Variants in ANK3 observed in about 807,000 individuals in gnomAD.
ANK3 encodes the protein ankyrin 3, also known as ankyrin-3.
Under a neutral mutation model 370.9 loss-of-function variants are expected in ANK3, and 57 were observed. That is an observed-to-expected ratio of 0.15 (90% confidence interval 0.12 to 0.19). The LOEUF is 0.19. Ranked by LOEUF, ANK3 falls within the 10% of genes least tolerant of loss-of-function variation. The pLI, the probability that ANK3 is intolerant of heterozygous loss-of-function variation, is 1.00. For missense variants in ANK3, 4,439 were observed against 5,302.1 expected (o/e 0.84, Z 5.06); for synonymous variants, 1,929 against 1,946.3 (o/e 0.99, Z 0.23).
intron 28 of ANK3, among the ~76,000 whole-genome samples, chr10:60,101,025 C>T (rs899860215): frequency 2.0e-5 from 3 of 152,102 alleles, no homozygotes; most frequent in Non-Finnish European, 4.4e-5. Flanking sequence ...TCAAGCAATC[C>T]CCCCACCTCA....
intron 2 of ANK3, among the ~76,000 whole-genome samples, chr10:60,572,161 C>T (rs2077616404): frequency 6.6e-6 from 1 of 152,010 alleles, no homozygotes; most frequent in African/African-American, 2.4e-5. Context: ...AAAAACACAC[C>T]CACCCACATA....
At position 60,074,599 on chromosome 10, in the gene ANK3, T is replaced by C; in HGVS notation, c.6282A>G (p.Glu2094=). 6.2e-7 allele frequency: 1 copy of C among 1,614,134 alleles called. No homozygotes were observed. The highest frequency in any genetic ancestry group is 1.1e-5 in the South Asian group (1 of 91,074). The part of the protein sequence containing the change: ...ASMRTSTSEK[E]LCKMADSFFG... The stretch of plus-strand genomic sequence containing the variant: ...AAAAGGAATCAGCCATTTTACACAA[T>C]TCTTTCTCAGAGGTGGAAGTCCTCA... Residue 2094 remains glutamate, a synonymous_variant, in exon 37 of 44, where the codon GAA becomes GAG. Coordinates refer to ENST00000280772, the MANE Select transcript of ANK3 (RefSeq NM_020987.5).
chr10:60,132,294 T>C lies in ANK3; in HGVS notation c.2841+1977A>G, dbSNP rs563552687. On this transcript the variant is annotated intron_variant, in intron 25 of 43. Transcript: ENST00000280772. ...GTCCCCATCCAAATCTCATCTTGAATTGTAGCTCCCACAATTCTCACCTGT... is the reference window on the plus strand; with the variant it reads ...GTCCCCATCCAAATCTCATCTTGAACTGTAGCTCCCACAATTCTCACCTGT... 3.3e-5 allele frequency among the ~76,000 whole-genome samples: 5 copies of C among 152,272 alleles called. No individual in the cohort carries two copies. In the South Asian group the frequency reaches 8.3e-4, roughly 25 times the overall value.
chr10:60,315,644 G>C (rs2047250094), intron 1 of ANK3, among the ~76,000 whole-genome samples: 1 of 151,984 alleles, frequency 6.6e-6, no homozygotes, highest in African/African-American at 2.4e-5. Flanking sequence ...AGAATGTTTT[G>C]GTAAAATTTA....
chr10:60,701,408 G>GAA (rs200538096), intron 1 of ANK3, among the ~76,000 whole-genome samples: 4 of 142,678 alleles, frequency 2.8e-5, no homozygotes, highest in African/African-American at 1.0e-4. Flanking sequence ...AGATACACTA[G>GAA]AAAAAAAAAC....
At chr10:60,551,988 C>T (rs138211432) in intron 2 of ANK3, among the ~76,000 whole-genome samples, 8 of 152,288 alleles carry the variant, frequency 5.3e-5, no homozygotes, top group Non-Finnish European at 1.0e-4. Context: ...AACCTACTAT[C>T]TGAAAATTCC....
intron 8 of ANK3, among the ~76,000 whole-genome samples, chr10:60,228,235 C>T (rs2097192358): frequency 6.6e-6 from 1 of 152,032 alleles, no homozygotes; most frequent in Admixed American, 6.6e-5. Flanking sequence ...ACTGAATAAC[C>T]TACTATAAAA....
At chr10:60,701,041 G>C (rs1235928203) in intron 1 of ANK3, among the ~76,000 whole-genome samples, 1 of 151,928 alleles carries the variant, frequency 6.6e-6, no homozygotes, top group Non-Finnish European at 1.5e-5. Flanking sequence ...GGGATTATTT[G>C]TTATACATAA....
Position 60,534,652 on chromosome 10 carries a change from T to C in ANK3, c.96+80534A>G, listed in dbSNP as rs375448468. Among the ~76,000 whole-genome samples, 23 of 152,240 alleles carry C rather than the reference T, an allele frequency of 1.5e-4. No homozygotes were observed. In the South Asian group the frequency reaches 4.1e-3, roughly 27 times the overall value. On this transcript the variant is annotated intron_variant, in intron 2 of 43. Transcript: ENST00000373827. The stretch of plus-strand genomic sequence containing the variant: ...CACAAAGCTTTCACTTCTCAGAAGC[T>C]TGTCAGTTCTACCTGAGAGTGTGAT...
chr10:60,278,868 C>A lies in ANK3; in HGVS notation c.320G>T (p.Gly107Val). The part of the protein sequence containing the change: ...EANVDAATKK[G>V]NTALHIASLA... ...AGATGCGATGTGCAATGCTGTGTTTCCTTTCTGTGAAATGAAAGTCAAGAT... is the reference window on the plus strand; with the variant it reads ...AGATGCGATGTGCAATGCTGTGTTTACTTTCTGTGAAATGAAAGTCAAGAT... Residue 107 changes from glycine to valine, a missense_variant, in exon 4 of 44, where the codon GGA becomes GTA. By Grantham distance (109) the Gly-to-Val change is moderately radical. Transcript: ENST00000280772. 1 of 1,613,790 alleles carries A rather than the reference C, an allele frequency of 6.2e-7. No individual in the cohort carries two copies. The highest frequency in any genetic ancestry group is 8.5e-7 in the Non-Finnish European group (1 of 1,179,840).
intron 7 of ANK3, among the ~76,000 whole-genome samples, chr10:60,254,868 C>T (rs2097713879): frequency 6.6e-6 from 1 of 152,148 alleles, no homozygotes; most frequent in South Asian, 2.1e-4. Context: ...GAGTGGTGGA[C>T]AGGAAGGCCA....
intron 43 of ANK3, among the ~76,000 whole-genome samples, chr10:60,034,199 C>CGGGCTCCA (rs1398182604): frequency 1.3e-5 from 2 of 151,378 alleles, no homozygotes; most frequent in African/African-American, 4.9e-5. Flanking sequence ...CTCCACCTCC[C>CGGGCTCCA]GGGCTCCAGT....
chr10:60,393,579 C>A (rs891721769), upstream of ANK3, among the ~76,000 whole-genome samples: 4 of 152,024 alleles, frequency 2.6e-5, no homozygotes, highest in Non-Finnish European at 5.9e-5. Flanking sequence ...AAAAATAAAG[C>A]CAAATCAGTT....
chr10:60,083,485 G>T lies in ANK3; in HGVS notation c.4200+7C>A. The T allele has an allele frequency of 6.2e-7, 1 of 1,607,902 alleles. No homozygotes were observed. Among genetic ancestry groups the T allele is most frequent in the South Asian group, 1.1e-5 (1 of 89,218 alleles). ...AATTCACAGATTCTCTGTTAAAGAT[G>T]ATTTACCTTGATGGAAAATGGCAGT... On this transcript the variant is annotated splice_region_variant and intron_variant, in intron 33 of 43. Coordinates refer to ENST00000280772, the MANE Select transcript of ANK3 (RefSeq NM_020987.5).
rs2072727509 is a variant in ANK3, at chr10:60,029,146, T to A, written c.*700A>T. ...TTTTTTTTAAAATCAAGCTAGCAGT[T>A]TTGCATATACAAACATTATAATTGC... On this transcript the variant is annotated 3_prime_UTR_variant, in exon 44 of 44. Coordinates refer to ENST00000280772, the MANE Select transcript of ANK3 (RefSeq NM_020987.5). 6.6e-6 allele frequency: 1 copy of A among 152,426 alleles called. No individual in the cohort carries two copies. Among genetic ancestry groups the A allele is most frequent in the African/African-American group, 2.4e-5 (1 of 41,422 alleles). The allele number at this position is 152,426 out of a possible 1,614,324, so 9.4% of individuals were successfully genotyped here.
intron 1 of ANK3, among the ~76,000 whole-genome samples, chr10:60,313,377 CA>C (rs79789365): frequency 2.0e-5 from 3 of 151,226 alleles, no homozygotes; most frequent in East Asian, 3.9e-4. Flanking sequence ...ATTGAGATTG[CA>C]AAAAAAAGAG....
chr10:60,432,122 G>T (rs562921610), intron 2 of ANK3, among the ~76,000 whole-genome samples: 1 of 152,214 alleles, frequency 6.6e-6, no homozygotes, highest in Non-Finnish European at 1.5e-5. Context: ...GATATTGGCA[G>T]TATCACATTA....
chr10:60,154,999 A>T (rs1453588705), intron 23 of ANK3, among the ~76,000 whole-genome samples: 2 of 152,180 alleles, frequency 1.3e-5, no homozygotes, highest in East Asian at 1.9e-4. Flanking sequence ...TCATTATTGT[A>T]AAGGGGAGGA....
At chr10:60,258,803 C>T (rs1410696685) in intron 7 of ANK3, among the ~76,000 whole-genome samples, 1 of 150,552 alleles carries the variant, frequency 6.6e-6, no homozygotes, top group African/African-American at 2.4e-5. Flanking sequence ...TTTAAATCTT[C>T]CACTCCCTAC....
Sources: allele counts gnomAD v4.1 joint callset (sites outside exome capture counted in the v4.1 genomes callset), GRCh38; gene constraint gnomAD v4.1.1; transcripts MANE v1.5; gene names NCBI Gene and HGNC (gene_info 2026-07-23, HGNC 2026-07-21).